Variants in HEATR1 observed in about 807,000 individuals in gnomAD.
HEATR1 encodes the protein HEAT repeat containing 1.
A neutral mutation model predicts 248.2 loss-of-function variants in HEATR1; 77 were observed. The ratio of observed to expected loss-of-function variants is 0.31; its 90% confidence interval spans 0.26 to 0.37. The LOEUF (loss-of-function observed/expected upper bound fraction) is 0.37. HEATR1 is among the 10% of genes least tolerant of loss of function. HEATR1 has a pLI of 1.00. For synonymous variants in HEATR1, 897 were observed against 923.1 expected, an observed-to-expected ratio of 0.97 and a Z score of 0.51; for missense variants, 2,420 against 2,504.9, an observed-to-expected ratio of 0.97 and a Z score of 0.72.
intron 3 of HEATR1, among the ~76,000 whole-genome samples, chr1:236,601,184 AATC>A (rs761071462): frequency 2.0e-5 from 3 of 152,080 alleles, no homozygotes; most frequent in Non-Finnish European, 2.9e-5. Flanking sequence ...CCCAAGTTAA[AATC>A]ATGTTTTCTT....
At chr1:236,571,528 T>C (rs764326973) in intron 27 of HEATR1, 40 bp downstream of exon 27, 9 of 1,613,208 alleles carry the variant, frequency 5.6e-6, no homozygotes, top group Admixed American at 1.7e-5. Flanking sequence ...ACGCTCAAAG[T>C]AGATAATTTT....
chr1:236,563,332 A>ATCTTGGC (rs1247379542), intron 32 of HEATR1, among the ~76,000 whole-genome samples: 2 of 151,762 alleles, frequency 1.3e-5, no homozygotes, highest in Non-Finnish European at 2.9e-5. Context: ...AGGTTGGTGG[A>ATCTTGGC]ATGCATTGGC....
chr1:236,568,271 G>A (rs563585783), intron 29 of HEATR1, among the ~76,000 whole-genome samples: 96 of 152,244 alleles, frequency 6.3e-4, no homozygotes, highest in African/African-American at 2.1e-3. Context: ...TCATATGAAT[G>A]CATATTATTA....
intron 21 of HEATR1, 94 bp downstream of exon 21, chr1:236,576,685 CA>C: frequency 1.7e-6 from 2 of 1,182,978 alleles, no homozygotes. Flanking sequence ...CTTAGTCCAT[CA>C]AAATCCCTAC....
At chr1:236,567,580 G>A (rs561219310) in intron 29 of HEATR1, among the ~76,000 whole-genome samples, 14 of 152,256 alleles carry the variant, frequency 9.2e-5, no homozygotes, top group Non-Finnish European at 1.8e-4. Flanking sequence ...GTGGTGGTGC[G>A]TGCCTGTAGT....
intron 13 of HEATR1, 146 bp from the exon 14 acceptor site, chr1:236,587,636 T>A: frequency 2.2e-6 from 1 of 453,496 alleles, no homozygotes; most frequent in Non-Finnish European, 3.9e-6. Flanking sequence ...GATCTATTTC[T>A]CAAAAGTGGC....
At chr1:236,602,047 G>A (rs948276905) in intron 3 of HEATR1, among the ~76,000 whole-genome samples, 1 of 152,026 alleles carries the variant, frequency 6.6e-6, no homozygotes, top group Non-Finnish European at 1.5e-5. Context: ...GCTGAGGCAG[G>A]AGAATTGCTT....
At chr1:236,551,339 G>A (rs1274276346) in intron 44 of HEATR1, 2 of 225,908 alleles carry the variant, frequency 8.9e-6, no homozygotes, top group Non-Finnish European at 1.7e-5. Context: ...AATCAGTAAA[G>A]GACTGATCTA....
intron 24 of HEATR1, among the ~76,000 whole-genome samples, chr1:236,573,828 A>G (rs1663494432): frequency 1.3e-5 from 2 of 152,126 alleles, no homozygotes; most frequent in African/African-American, 4.8e-5. Context: ...CAATTCCATT[A>G]TATGTCATTA....
At chr1:236,590,804 C>A (rs1288061098) in intron 12 of HEATR1, 43 bp downstream of exon 12, 3 of 1,049,042 alleles carry the variant, frequency 2.9e-6, no homozygotes, top group South Asian at 2.4e-5. Flanking sequence ...CACTGCTCAT[C>A]ATAAGAAAAA....
intron 6 of HEATR1, 42 bp from the exon 7 acceptor site, chr1:236,596,086 T>C: frequency 2.2e-6 from 3 of 1,365,956 alleles, no homozygotes; most frequent in Non-Finnish European, 3.1e-6. Flanking sequence ...TAAACCATAT[T>C]ATTTTCTGCT....
In HEATR1 at chr1:236,549,838, G is replaced by C. The variant is rs1662636396; in HGVS notation, c.*1064C>G. On this transcript the variant is annotated 3_prime_UTR_variant, in exon 45 of 45. Coordinates refer to ENST00000366582, the MANE Select transcript of HEATR1 (RefSeq NM_018072.6). ...TACGTGGAGGAAAAAAATTTAAAAA[G>C]CTATTAGTATTTATTAATGAATTTT... 6.6e-6 allele frequency: 1 copy of C among 152,134 alleles called. No individual in the cohort carries two copies. Among genetic ancestry groups the C allele is most frequent in the Non-Finnish European group, 1.5e-5 (1 of 68,020 alleles). 9.4% of individuals were successfully genotyped at this position (152,134 alleles called of 1,614,324 possible).
chr1:236,552,201 T>C (rs1662780364), intron 43 of HEATR1, 94 bp from the exon 44 acceptor site: 2 of 774,868 alleles, frequency 2.6e-6, no homozygotes, highest in South Asian at 1.7e-5. Flanking sequence ...TCTAACTTTT[T>C]AAACATTAGT....
chr1:236,582,386 G>A (rs1572045758), intron 19 of HEATR1, among the ~76,000 whole-genome samples: 1 of 150,102 alleles, frequency 6.7e-6, no homozygotes, highest in African/African-American at 2.5e-5. Flanking sequence ...GATTATAGGC[G>A]TGAGCTACTG....
rs776155817 is a variant in HEATR1 at position 236,559,732 on chromosome 1, A to G, written c.4752T>C (p.Ala1584=). 4 of 1,613,426 alleles carry G rather than the reference A, an allele frequency of 2.5e-6. No homozygotes were observed. The Admixed American group carries it at 6.7e-5, about 27-fold the overall frequency. The part of the protein sequence containing the change: ...VKFWRALLSK[A]YDLLDKVNAL... The stretch of plus-strand genomic sequence containing the variant: ...CACCTACCTTATCTAACAGGTCGTA[A>G]GCTTTACTAAGGAGCGCGCGCCAGA... Residue 1584 remains alanine (A), a synonymous_variant, in exon 34 of 45, where the codon GCT becomes GCC. Coordinates refer to ENST00000366582, the MANE Select transcript of HEATR1 (RefSeq NM_018072.6).
rs758886629 is a variant in HEATR1, at chr1:236,569,099, G to C, written c.3974C>G (p.Ser1325Cys). The change falls in exon 29 of 45, where the codon TCT (serine) becomes TGT (cysteine). Residue 1325 changes from serine (S) to cysteine (C), a missense_variant. Coordinates refer to ENST00000366582, the MANE Select transcript of HEATR1 (RefSeq NM_018072.6). ...ATTGGCTCCCATAAATGTAAAAATAGACATGATATTGTGTAAAACTTTATC... is the reference window on the plus strand; with the variant it reads ...ATTGGCTCCCATAAATGTAAAAATACACATGATATTGTGTAAAACTTTATC... ...FPDKVLHNIMSIFTFMGANVM... is the reference protein window; with the variant it reads ...FPDKVLHNIMCIFTFMGANVM... The C allele has an allele frequency of 5.0e-6, 8 of 1,596,976 alleles. No homozygotes were observed. The Admixed American group carries it at 5.3e-5, about 11-fold the overall frequency.
chr1:236,584,198 T>C (rs989141141), intron 17 of HEATR1, among the ~76,000 whole-genome samples: 6 of 152,154 alleles, frequency 3.9e-5, no homozygotes, highest in African/African-American at 1.4e-4. Context: ...TCTACATATG[T>C]ATAATAAAAC....
intron 12 of HEATR1, among the ~76,000 whole-genome samples, chr1:236,588,692 G>C (rs1207076525): frequency 2.0e-5 from 3 of 152,170 alleles, no homozygotes; most frequent in Non-Finnish European, 4.4e-5. Flanking sequence ...TTCATTCACA[G>C]AGAAAGAAAA....
At position 236,576,890 on chromosome 1, in the gene HEATR1, T is replaced by C; in HGVS notation, c.2815A>G (p.Ile939Val). The change falls in exon 21 of 45, where the codon ATT becomes GTT. Residue 939 changes from isoleucine to valine, a missense_variant. Transcript: ENST00000366582. Reference sequence around the variant, plus strand: ...CCACTGAGGGCCTGGAGACACTGAATGGCAGCCCTACGAACTTCTTTTACG... The same window carrying C: ...CCACTGAGGGCCTGGAGACACTGAACGGCAGCCCTACGAACTTCTTTTACG... ...SPVKEVRRAA[I>V]QCLQALSGVA... is the part of the protein sequence containing the mutation. 1 of 1,613,916 alleles carries C rather than the reference T, an allele frequency of 6.2e-7. No individual in the cohort carries two copies. Among genetic ancestry groups the C allele is most frequent in the South Asian group, 1.1e-5 (1 of 91,016 alleles).
Sources: allele counts gnomAD v4.1 joint callset (sites outside exome capture counted in the v4.1 genomes callset), GRCh38; gene constraint gnomAD v4.1.1; transcripts MANE v1.5; gene names NCBI Gene and HGNC (gene_info 2026-07-23, HGNC 2026-07-21).